Variants in PDE7B observed in about 807,000 individuals in gnomAD.
PDE7B encodes 3',5'-cyclic-AMP phosphodiesterase 7B.
PDE7B carries 29 observed loss-of-function variants against 56.2 expected under a neutral mutation model. That is an observed-to-expected ratio of 0.52 (90% CI 0.38 to 0.70). PDE7B has a LOEUF of 0.70. Ranked by LOEUF, PDE7B falls within the 30% of genes least tolerant of loss-of-function variation. The probability of loss-of-function intolerance (pLI) is 0.00; values close to 1 mark genes in which losing one functional copy is unlikely to be tolerated. For missense variants in PDE7B, 490 were observed against 565.0 expected, an observed-to-expected ratio of 0.87 and a Z score of 1.35; for synonymous variants, 197 against 196.9, an observed-to-expected ratio of 1.00 and a Z score of 0.00.
chr6:136,095,031 C>T (rs1437921802), intron 2 of PDE7B, among the ~76,000 whole-genome samples: 3 of 152,164 alleles, frequency 2.0e-5, no homozygotes, highest in South Asian at 2.1e-4. Flanking sequence ...ACTTGGAAAA[C>T]ACGTTTCATA....
intron 3 of PDE7B, among the ~76,000 whole-genome samples, chr6:136,136,906 A>G (rs1284036528): frequency 1.3e-5 from 2 of 152,124 alleles, no homozygotes; most frequent in East Asian, 3.9e-4. Context: ...GTTCAAAAAG[A>G]GCATTTAACA....
intron 1 of PDE7B, among the ~76,000 whole-genome samples, chr6:135,935,799 T>C (rs988683840): frequency 9.2e-5 from 14 of 152,232 alleles, no homozygotes; most frequent in Admixed American, 2.0e-4. Context: ...AATATTGGAT[T>C]TTCTAGCTCT....
intron 2 of PDE7B, among the ~76,000 whole-genome samples, chr6:135,986,791 C>T (rs1775383602): frequency 6.6e-6 from 1 of 152,236 alleles, no homozygotes; most frequent in Non-Finnish European, 1.5e-5. Context: ...ATTTTCTCTT[C>T]CCAAAGCTTT....
chr6:136,022,356 C>A (rs1776086513), intron 2 of PDE7B, among the ~76,000 whole-genome samples: 1 of 152,110 alleles, frequency 6.6e-6, no homozygotes, highest in Non-Finnish European at 1.5e-5. Context: ...CCATGACTGG[C>A]CCACAGACGG....
chr6:136,026,428 G>A (rs1165738023), intron 2 of PDE7B, among the ~76,000 whole-genome samples: 1 of 152,180 alleles, frequency 6.6e-6, no homozygotes, highest in Non-Finnish European at 1.5e-5. Flanking sequence ...TGAGAAATAT[G>A]AGATGTAATC....
intron 2 of PDE7B, among the ~76,000 whole-genome samples, chr6:136,035,729 A>G (rs1469620115): frequency 2.6e-5 from 4 of 152,206 alleles, no homozygotes; most frequent in Admixed American, 6.5e-5. Flanking sequence ...CAGTGATCCA[A>G]CATTTTGTAA....
intron 2 of PDE7B, among the ~76,000 whole-genome samples, chr6:136,096,480 C>CT (rs201836265): frequency 0.025 from 2,760 of 110,054 alleles, 41 homozygotes; most frequent in Non-Finnish European, 0.032. Flanking sequence ...CCAATGAATG[C>CT]TTTTTTTTTT....
chr6:135,934,898 T>TAA (rs1774378102), intron 1 of PDE7B, among the ~76,000 whole-genome samples: 1 of 104,014 alleles, frequency 9.6e-6, no homozygotes, highest in African/African-American at 4.2e-5. Context: ...AATATATATT[T>TAA]AAATATATAT....
chr6:136,139,219 G>A (rs955603243), intron 3 of PDE7B, among the ~76,000 whole-genome samples: 3 of 152,130 alleles, frequency 2.0e-5, no homozygotes, highest in African/African-American at 4.8e-5. Context: ...AACATGCAGT[G>A]TTTGGTCTTT....
At chr6:135,961,760 G>A (rs957921301) in intron 2 of PDE7B, among the ~76,000 whole-genome samples, 6 of 152,086 alleles carry the variant, frequency 3.9e-5, no homozygotes, top group East Asian at 1.9e-4. Context: ...GTTTTCTGTC[G>A]ACCTAATTAA....
chr6:136,096,056 G>C (rs980626015), intron 2 of PDE7B: 2 of 152,148 alleles, frequency 1.3e-5, no homozygotes, highest in Non-Finnish European at 2.9e-5. Context: ...ACAACACTTG[G>C]AGTTTAAAAG....
At chr6:135,970,740 C>T (rs540552984) in intron 2 of PDE7B, among the ~76,000 whole-genome samples, 7 of 152,190 alleles carry the variant, frequency 4.6e-5, no homozygotes, top group Admixed American at 1.3e-4. Flanking sequence ...ATAGATTCTA[C>T]GTGGGCACTG....
At chr6:136,059,929 G>A (rs1335579958) in intron 2 of PDE7B, among the ~76,000 whole-genome samples, 2 of 152,134 alleles carry the variant, frequency 1.3e-5, no homozygotes, top group East Asian at 3.9e-4. Flanking sequence ...ACTCTGCCAA[G>A]CTTGGAGAGG....
chr6:136,147,261 C>A (rs1024500860), intron 3 of PDE7B, 90 bp from the exon 4 acceptor site: 2 of 779,042 alleles, frequency 2.6e-6, no homozygotes, highest in Admixed American at 4.9e-5. Context: ...TTTTAAATTT[C>A]TCTTCTTTTA....
At chr6:136,191,122 C>T (rs1779217581) in intron 12 of PDE7B, among the ~76,000 whole-genome samples, 1 of 147,074 alleles carries the variant, frequency 6.8e-6, no homozygotes, top group African/African-American at 2.5e-5. Context: ...AAGCATTGTA[C>T]ATACATTAAG....
At chr6:136,181,755 C>A (rs1416073168) in intron 11 of PDE7B, among the ~76,000 whole-genome samples, 1 of 136,188 alleles carries the variant, frequency 7.3e-6, no homozygotes, top group African/African-American at 3.8e-5. Flanking sequence ...CTTCTCCTTG[C>A]TTTCTTAAAA....
chr6:135,910,023 T>C (rs915622608), intron 1 of PDE7B, among the ~76,000 whole-genome samples: 1 of 152,214 alleles, frequency 6.6e-6, no homozygotes, highest in African/African-American at 2.4e-5. Context: ...CCTAAAATCC[T>C]GACAGGTGTA....
rs1310242448 is a variant in PDE7B, at chr6:136,173,870, A to G, written c.785A>G (p.His262Arg). The change falls in exon 9 of 13, where the codon CAT becomes CGT. Residue 262 changes from histidine (H) to arginine (R), a missense_variant. Coordinates refer to ENST00000308191, the MANE Select transcript of PDE7B (RefSeq NM_018945.4). ...GMLRESRLLA[H>R]LPKEMTQDIE... ...CTTCGAGAATCAAGGCTTCTTGCTC[A>G]TTTGCCAAAGGAAATGACGTAAGTG... 9.3e-6 allele frequency: 15 copies of G among 1,611,736 alleles called. No homozygotes were observed. The highest frequency in any genetic ancestry group is 1.3e-5 in the Non-Finnish European group (15 of 1,178,104).
intron 2 of PDE7B, among the ~76,000 whole-genome samples, chr6:135,952,273 CTGA>C (rs963213743): frequency 6.6e-6 from 1 of 152,052 alleles, no homozygotes. Flanking sequence ...AAAATTATTA[CTGA>C]TGATACCAAT....
Sources: allele counts gnomAD v4.1 joint callset (sites outside exome capture counted in the v4.1 genomes callset), GRCh38; gene constraint gnomAD v4.1.1; transcripts MANE v1.5; gene names NCBI Gene and HGNC (gene_info 2026-07-23, HGNC 2026-07-21).